The following PARD3B variants were observed in gnomAD, a reference collection of about 807,000 sequenced individuals.
PARD3B encodes par-3 family cell polarity regulator beta.
PARD3B carries 103 observed loss-of-function variants against 130.2 expected under a neutral mutation model. The ratio of observed to expected loss-of-function variants is 0.79; its 90% CI spans 0.67 to 0.93. The LOEUF is 0.93. PARD3B is among the 40% of genes least tolerant of loss of function. PARD3B has a pLI of 0.00. For synonymous variants in PARD3B, 583 were observed against 553.2 expected, an observed-to-expected ratio of 1.05 and a Z score of -0.76; for missense variants, 1,609 against 1,499.2, an observed-to-expected ratio of 1.07 and a Z score of -1.21.
intron 2 of PARD3B, among the ~76,000 whole-genome samples, chr2:204,774,385 C>A (rs2878473): frequency 0.77 from 116,427 of 151,842 alleles, 44,884 homozygotes; most frequent in East Asian, 0.88. Flanking sequence ...ATGAAAATTC[C>A]AAGAACTAAG....
At chr2:204,944,028 TA>T (rs1689118165) in intron 2 of PARD3B, among the ~76,000 whole-genome samples, 1 of 143,638 alleles carries the variant, frequency 7.0e-6, no homozygotes, top group African/African-American at 2.6e-5. Flanking sequence ...AACCAAGATT[TA>T]AAAAGGAAGA....
chr2:205,179,002 T>C (rs1050687275), intron 13 of PARD3B, among the ~76,000 whole-genome samples: 1 of 152,194 alleles, frequency 6.6e-6, no homozygotes, highest in African/African-American at 2.4e-5. Flanking sequence ...GCTCTGTGCC[T>C]GTTACTGCCC....
chr2:204,732,172 A>G (rs970247213), intron 2 of PARD3B, among the ~76,000 whole-genome samples: 1 of 152,108 alleles, frequency 6.6e-6, no homozygotes, highest in African/African-American at 2.4e-5. Flanking sequence ...TATTAGATAT[A>G]AAGCATTCCA....
chr2:205,427,545 C>G (rs1395592615), intron 19 of PARD3B, among the ~76,000 whole-genome samples: 1 of 152,050 alleles, frequency 6.6e-6, no homozygotes, highest in Non-Finnish European at 1.5e-5. Context: ...AAAATATGGA[C>G]AGTATGCTAC....
chr2:205,399,480 G>A (rs1266548287), intron 18 of PARD3B, among the ~76,000 whole-genome samples: 5 of 151,096 alleles, frequency 3.3e-5, no homozygotes, highest in African/African-American at 7.3e-5. Flanking sequence ...TCAGCCTTCT[G>A]AGTAACTGGG....
intron 2 of PARD3B, among the ~76,000 whole-genome samples, chr2:204,833,426 C>T (rs2043905112): frequency 6.6e-6 from 1 of 152,002 alleles, no homozygotes; most frequent in Admixed American, 6.6e-5. Flanking sequence ...TTTAATTTAA[C>T]CCAGACATCT....
intron 1 of PARD3B, among the ~76,000 whole-genome samples, chr2:204,585,717 C>T (rs1185874928): frequency 2.6e-5 from 4 of 152,018 alleles, no homozygotes; most frequent in Non-Finnish European, 5.9e-5. Context: ...CTATAATATA[C>T]GTCTGCACAT....
chr2:204,702,986 G>T (rs2037966396), intron 2 of PARD3B, among the ~76,000 whole-genome samples: 1 of 152,168 alleles, frequency 6.6e-6, no homozygotes, highest in African/African-American at 2.4e-5. Flanking sequence ...TATTCTTCAT[G>T]ATTCCAATTA....
intron 15 of PARD3B, among the ~76,000 whole-genome samples, chr2:205,232,454 A>G (rs892657588): frequency 2.0e-5 from 3 of 152,196 alleles, no homozygotes; most frequent in African/African-American, 7.2e-5. Flanking sequence ...TTTAAATACA[A>G]AAAGTGTATT....
At position 204,967,526 on chromosome 2, in the gene PARD3B, G is replaced by T. The variant is rs752974877; in HGVS notation, c.394+2203G>T. ...CACCCTGAGAACCATATCTAAACTC[G>T]TTAGCAAGCTGATGCAGATGGTTCC... On this transcript the variant is annotated intron_variant, in intron 3 of 22. Transcript: ENST00000406610. This position sits in a 1 kb window ranked among gnomAD's most constrained non-coding sequence, Gnocchi z 4.4. 1.2e-4 allele frequency among the ~76,000 whole-genome samples: 18 copies of T among 152,010 alleles called. No individual in the cohort carries two copies. Among genetic ancestry groups the T allele is most frequent in the Non-Finnish European group, 2.6e-4 (18 of 68,014 alleles).
chr2:205,132,097 C>T (rs140576618), intron 10 of PARD3B, among the ~76,000 whole-genome samples: 1 of 152,026 alleles, frequency 6.6e-6, no homozygotes, highest in Non-Finnish European at 1.5e-5. Flanking sequence ...TACATTGGGC[C>T]ACAGAGAATG....
chr2:204,718,605 A>G (rs1354576570), intron 2 of PARD3B, among the ~76,000 whole-genome samples: 1 of 152,188 alleles, frequency 6.6e-6, no homozygotes, highest in African/African-American at 2.4e-5. Flanking sequence ...GGGGACACAG[A>G]GCCAAACCAT....
In PARD3B at chr2:205,158,439, C is replaced by T. The variant is rs999662728; in HGVS notation, c.1435-283C>T. Among the ~76,000 whole-genome samples the T allele has an allele frequency of 3.9e-5, 6 of 152,164 alleles. No homozygotes were observed. Among genetic ancestry groups the T allele is most frequent in the African/African-American group, 1.4e-4 (6 of 41,438 alleles). On this transcript the variant is annotated intron_variant, in intron 10 of 22. Coordinates refer to ENST00000406610, the MANE Select transcript of PARD3B (RefSeq NM_001302769.2). The surrounding 1 kb of genome is among the most constrained non-coding windows in gnomAD (Gnocchi z 5.4). ...GAATATCTTAGTAAATTTCCAAAGG[C>T]TTGCGAGGTGTTTCAGATTGCATCG...
chr2:205,013,801 G>A (rs1298229011), intron 3 of PARD3B, among the ~76,000 whole-genome samples: 1 of 152,242 alleles, frequency 6.6e-6, no homozygotes. Context: ...CAGGGTCAAA[G>A]GGCAGAGTTC....
At chr2:204,788,512 A>G (rs2042090282) in intron 2 of PARD3B, among the ~76,000 whole-genome samples, 1 of 152,198 alleles carries the variant, frequency 6.6e-6, no homozygotes, top group Non-Finnish European at 1.5e-5. Context: ...ATCTTTTCTT[A>G]TGTTTTATCA....
intron 18 of PARD3B, among the ~76,000 whole-genome samples, chr2:205,343,729 T>A (rs926885737): frequency 3.1e-4 from 47 of 152,134 alleles, no homozygotes; most frequent in African/African-American, 1.1e-3. Context: ...TGTCTGAGCC[T>A]CCTGACGTAT....
At chr2:205,286,784 C>G (rs1448773998) in intron 16 of PARD3B, among the ~76,000 whole-genome samples, 1 of 152,200 alleles carries the variant, frequency 6.6e-6, no homozygotes, top group Non-Finnish European at 1.5e-5. Flanking sequence ...TCCAATCTCT[C>G]TAAAATCCAG....
intron 18 of PARD3B, among the ~76,000 whole-genome samples, chr2:205,388,778 C>T (rs979197025): frequency 2.6e-5 from 4 of 152,114 alleles, no homozygotes; most frequent in South Asian, 2.1e-4. Flanking sequence ...ACAATGGCCC[C>T]GAAATGACTG....
rs929952895 is a variant in PARD3B at position 204,977,532 on chromosome 2, G to A, written c.394+12209G>A. On this transcript the variant is annotated intron_variant, in intron 3 of 22. Coordinates refer to ENST00000406610, the MANE Select transcript of PARD3B (RefSeq NM_001302769.2). ...AAAGAATAGGGAGCCTTGGTAGGCC[G>A]GGCGCGGTGGCTCACGCCTGTAATC... Among the ~76,000 whole-genome samples the A allele has an allele frequency of 5.3e-5, 8 of 151,864 alleles. No individual in the cohort carries two copies. The South Asian group carries it at 6.2e-4, about 12-fold the overall frequency.
Sources: gnomAD v4.1 joint callset for allele counts (sites outside exome capture counted in the v4.1 genomes callset) on GRCh38, gnomAD v4.1.1 for gene constraint, Gnocchi (gnomAD v3.1) non-coding constraint, MANE v1.5 for transcripts, NCBI Gene and HGNC (gene_info 2026-07-23, HGNC 2026-07-21) for gene names.